Variants in RORA observed in about 807,000 individuals in gnomAD.
RORA encodes the protein RAR related orphan receptor A, also known as nuclear receptor ROR-alpha.
Under a neutral mutation model 69.5 loss-of-function variants are expected in RORA, and 7 were observed. That is an observed-to-expected ratio of 0.10 (90% CI 0.06 to 0.19). RORA has a LOEUF of 0.19. Among genes scored for constraint, RORA ranks in the 10% least tolerant of loss-of-function variants. The pLI is 1.00. For synonymous variants in RORA, 261 were observed against 240.8 expected (o/e 1.08, Z -0.78); for missense variants, 457 against 663.0 (o/e 0.69, Z 3.41).
At chr15:60,763,496 T>C (rs2071931539) in intron 1 of RORA, among the ~76,000 whole-genome samples, 2 of 152,176 alleles carry the variant, frequency 1.3e-5, no homozygotes, top group South Asian at 4.1e-4. Context: ...TGTTAAACTC[T>C]TGACGAGATC....
chr15:61,012,743 G>A (rs1895128535), intron 1 of RORA, among the ~76,000 whole-genome samples: 1 of 152,110 alleles, frequency 6.6e-6, no homozygotes, highest in East Asian at 1.9e-4. Flanking sequence ...CAGACCTCCA[G>A]GGCTCAAGCA....
At chr15:60,585,134 T>C (rs1348994192) in intron 2 of RORA, among the ~76,000 whole-genome samples, 1 of 152,204 alleles carries the variant, frequency 6.6e-6, no homozygotes, top group African/African-American at 2.4e-5. Context: ...TGCATTCTTA[T>C]ACCTCTGTGT....
chr15:60,888,333 G>A (rs2073774702), intron 1 of RORA, among the ~76,000 whole-genome samples: 1 of 152,168 alleles, frequency 6.6e-6, no homozygotes, highest in Non-Finnish European at 1.5e-5. Context: ...GCAGGCCGGT[G>A]GGCCTGGTCA....
At chr15:60,754,718 C>T (rs2071772651) in intron 1 of RORA, among the ~76,000 whole-genome samples, 1 of 152,140 alleles carries the variant, frequency 6.6e-6, no homozygotes, top group South Asian at 2.1e-4. Context: ...GCTGCACAGG[C>T]ACATTGGAGG....
At chr15:60,593,702 C>A (rs915183664) in intron 2 of RORA, among the ~76,000 whole-genome samples, 1 of 152,146 alleles carries the variant, frequency 6.6e-6, no homozygotes, top group Non-Finnish European at 1.5e-5. Context: ...GTACCTATTG[C>A]GGTTCCTTCA....
intron 1 of RORA, among the ~76,000 whole-genome samples, chr15:61,112,419 G>T (rs1208832783): frequency 1.3e-5 from 2 of 152,126 alleles, no homozygotes; most frequent in Admixed American, 6.5e-5. Flanking sequence ...GGAAAGGGAA[G>T]CGGAAAGCAA....
intron 1 of RORA, among the ~76,000 whole-genome samples, chr15:60,889,176 C>T (rs2073784550): frequency 6.6e-6 from 1 of 152,222 alleles, no homozygotes; most frequent in South Asian, 2.1e-4. Context: ...GACTACTTCC[C>T]ACTTGAACTC....
At chr15:60,895,753 CA>C (rs1891216450) in intron 1 of RORA, among the ~76,000 whole-genome samples, 1 of 152,224 alleles carries the variant, frequency 6.6e-6, no homozygotes, top group African/African-American at 2.4e-5. Flanking sequence ...TGGTCAAGTA[CA>C]GCCTCAGCAA....
intron 2 of RORA, among the ~76,000 whole-genome samples, chr15:60,607,193 G>A (rs1304522486): frequency 6.6e-6 from 1 of 152,168 alleles, no homozygotes; most frequent in East Asian, 1.9e-4. Context: ...GGGGCAAAGA[G>A]CCAACCACAC....
intron 1 of RORA, among the ~76,000 whole-genome samples, chr15:60,871,446 A>G (rs1382641589): frequency 6.6e-6 from 1 of 152,218 alleles, no homozygotes; most frequent in East Asian, 1.9e-4. Context: ...GGTTTGAAGT[A>G]TTTTATGTGC....
At chr15:61,151,638 C>T (rs1167429586) in intron 1 of RORA, among the ~76,000 whole-genome samples, 1 of 152,212 alleles carries the variant, frequency 6.6e-6, no homozygotes, top group Non-Finnish European at 1.5e-5. Context: ...TCTGATTTTG[C>T]TACTATTGAT....
chr15:60,863,285 C>T (rs2073452002), intron 1 of RORA, among the ~76,000 whole-genome samples: 1 of 152,156 alleles, frequency 6.6e-6, no homozygotes, highest in African/African-American at 2.4e-5. Context: ...CTGTACATGT[C>T]ATAATAAGGT....
At chr15:61,071,036 T>C (rs1469380474) in intron 1 of RORA, among the ~76,000 whole-genome samples, 1 of 151,538 alleles carries the variant, frequency 6.6e-6, no homozygotes, top group Non-Finnish European at 1.5e-5. Context: ...TGAAAAGCCA[T>C]AGTGTAATTG....
At chr15:61,026,187 C>T (rs1264302609) in intron 1 of RORA, among the ~76,000 whole-genome samples, 1 of 152,164 alleles carries the variant, frequency 6.6e-6, no homozygotes, top group Non-Finnish European at 1.5e-5. Context: ...GCAACTCATC[C>T]ATCGTTGTTA....
chr15:60,720,198 C>G (rs367824551), intron 1 of RORA, among the ~76,000 whole-genome samples: 4 of 152,132 alleles, frequency 2.6e-5, no homozygotes, highest in Admixed American at 2.6e-4. Flanking sequence ...ATCAGCATCT[C>G]ACACCCATGA....
intron 2 of RORA, among the ~76,000 whole-genome samples, chr15:60,610,730 G>T (rs2069065313): frequency 6.6e-6 from 1 of 152,130 alleles, no homozygotes; most frequent in East Asian, 1.9e-4. Context: ...ATCAGAGAGA[G>T]AGAGAGAGAA....
intron 1 of RORA, among the ~76,000 whole-genome samples, chr15:61,038,278 T>C (rs1465529002): frequency 6.6e-6 from 1 of 151,988 alleles, no homozygotes; most frequent in Non-Finnish European, 1.5e-5. Context: ...AATATGAGAG[T>C]TTTTTTCTTC....
At chr15:60,616,965 C>A (rs2069260722) in intron 2 of RORA, among the ~76,000 whole-genome samples, 1 of 152,004 alleles carries the variant, frequency 6.6e-6, no homozygotes, top group Non-Finnish European at 1.5e-5. Flanking sequence ...CTATGATGGG[C>A]AAGATTCATA....
intron 1 of RORA, among the ~76,000 whole-genome samples, chr15:61,215,961 G>A (rs1224656309): frequency 6.6e-6 from 1 of 152,180 alleles, no homozygotes; most frequent in Non-Finnish European, 1.5e-5. Flanking sequence ...CTTCCAACAT[G>A]TTTGAGTGAA....
Sources: allele counts gnomAD v4.1 joint callset (sites outside exome capture counted in the v4.1 genomes callset), GRCh38; gene constraint gnomAD v4.1.1; transcripts MANE v1.5; gene names NCBI Gene and HGNC (gene_info 2026-07-23, HGNC 2026-07-21).